The following NHEJ1 variants were observed in gnomAD, a reference collection of about 807,000 sequenced individuals.
The protein encoded by NHEJ1 is non-homologous end joining factor 1.
NHEJ1 carries 22 observed loss-of-function variants against 39.4 expected under a neutral mutation model. That is an observed-to-expected ratio of 0.56 (90% confidence interval 0.40 to 0.80). The LOEUF is 0.80. NHEJ1 is among the 30% of genes least tolerant of loss of function. NHEJ1 has a pLI of 0.00. For synonymous variants in NHEJ1, 154 were observed against 135.6 expected (o/e 1.14, Z -0.94); for missense variants, 329 against 357.1 (o/e 0.92, Z 0.63).
intron 5 of NHEJ1, among the ~76,000 whole-genome samples, chr2:219,123,537 T>C (rs1201292331): frequency 6.6e-6 from 1 of 152,112 alleles, no homozygotes; most frequent in African/African-American, 2.4e-5. Flanking sequence ...CGCCTAGCCC[T>C]GGGTCTAAGT....
At position 219,131,908 on chromosome 2, in the gene NHEJ1, G is replaced by C. The variant is rs562913293; in HGVS notation, c.588+14772C>G. On this transcript the variant is annotated intron_variant, in intron 5 of 7. Transcript: ENST00000356853. ...CCTACTGCCCAGAAAACTTCCAACA[G>C]GTGTAACACGTGGCAAGGCAATCTG... Among the ~76,000 whole-genome samples the C allele has an allele frequency of 3.9e-4, 60 of 152,184 alleles. 1 individual carries two copies. The highest frequency in any genetic ancestry group is 7.2e-4 in the Non-Finnish European group (49 of 68,030).
At chr2:219,083,377 G>T (rs78163174) in intron 5 of NHEJ1, among the ~76,000 whole-genome samples, 2,091 of 151,440 alleles carry the variant, frequency 0.014, 42 homozygotes, top group African/African-American at 0.047. Context: ...AACATGCGAG[G>T]ATAGTATAAA....
chr2:219,070,268 C>G lies in NHEJ1; in HGVS notation c.*6113G>C, dbSNP rs917274092. On this transcript the variant is annotated 3_prime_UTR_variant, in exon 8 of 8. Coordinates refer to ENST00000356853, the MANE Select transcript of NHEJ1 (RefSeq NM_024782.3). ...GTGGCACGATCTCAGCTCACTGCAG[C>G]CTCTGCCTCCCGGGTTCCAGCGATT... Among the ~76,000 whole-genome samples, 5 of 152,202 alleles carry G rather than the reference C, an allele frequency of 3.3e-5. No homozygotes were observed. The highest frequency in any genetic ancestry group is 1.2e-4 in the African/African-American group (5 of 41,450).
At chr2:219,118,559 C>T (rs964736706) in intron 5 of NHEJ1, among the ~76,000 whole-genome samples, 2 of 152,040 alleles carry the variant, frequency 1.3e-5, no homozygotes, top group Admixed American at 6.6e-5. Context: ...GGCCAGGCTC[C>T]GCTGAGGTTT....
At chr2:219,153,829 G>A (rs1169324280) in intron 3 of NHEJ1, among the ~76,000 whole-genome samples, 1 of 152,164 alleles carries the variant, frequency 6.6e-6, no homozygotes, top group East Asian at 1.9e-4. Flanking sequence ...AGAAGTATGA[G>A]GAACAGGTAT....
At chr2:219,146,319 G>A (rs953987476) in intron 5 of NHEJ1, among the ~76,000 whole-genome samples, 4 of 152,074 alleles carry the variant, frequency 2.6e-5, no homozygotes, top group Admixed American at 6.6e-5. Flanking sequence ...AAGTAATGAC[G>A]CCTACCCTTC....
chr2:219,132,072 A>G (rs895454729), intron 5 of NHEJ1, among the ~76,000 whole-genome samples: 2 of 152,260 alleles, frequency 1.3e-5, no homozygotes, highest in Non-Finnish European at 2.9e-5. Flanking sequence ...GGCTTGATAT[A>G]GCCTTAGACT....
At chr2:219,149,984 A>T (rs1259437136) in intron 3 of NHEJ1, among the ~76,000 whole-genome samples, 1 of 152,244 alleles carries the variant, frequency 6.6e-6, no homozygotes, top group Non-Finnish European at 1.5e-5. Context: ...AAAAAGGAGT[A>T]CTTTTAGACA....
chr2:219,136,503 G>C (rs1179037704), intron 5 of NHEJ1, among the ~76,000 whole-genome samples: 1 of 152,000 alleles, frequency 6.6e-6, no homozygotes, highest in African/African-American at 2.4e-5. Flanking sequence ...TAGCCAGGCT[G>C]GTCTCGAACT....
intron 5 of NHEJ1, among the ~76,000 whole-genome samples, chr2:219,089,989 C>T (rs1949146795): frequency 6.6e-6 from 1 of 152,098 alleles, no homozygotes; most frequent in Non-Finnish European, 1.5e-5. Flanking sequence ...TCAGACAGAC[C>T]TGGTTTTGAA....
At chr2:219,160,400 T>C (rs3731889) in intron 1 of NHEJ1, 76,794 of 152,316 alleles carry the variant, frequency 0.5, 21,679 homozygotes, top group Non-Finnish European at 0.64. Flanking sequence ...CAGCCTTCGC[T>C]GTCCGCCTTC....
At chr2:219,122,203 C>A (rs1949477830) in intron 5 of NHEJ1, among the ~76,000 whole-genome samples, 2 of 152,284 alleles carry the variant, frequency 1.3e-5, no homozygotes, top group Admixed American at 1.3e-4. Context: ...TTCAAGAAGT[C>A]ACAAAAATTT....
intron 5 of NHEJ1, among the ~76,000 whole-genome samples, chr2:219,091,316 A>T (rs965275138): frequency 6.6e-6 from 1 of 152,114 alleles, no homozygotes; most frequent in Non-Finnish European, 1.5e-5. Context: ...GTGGAGTTTA[A>T]GCTAGGGTAA....
At chr2:219,080,449 C>T (rs1206527406) in intron 5 of NHEJ1, among the ~76,000 whole-genome samples, 2 of 151,550 alleles carry the variant, frequency 1.3e-5, no homozygotes, top group Non-Finnish European at 2.9e-5. Context: ...GGCGTGAACC[C>T]GGCAGGCAGA....
intron 1 of NHEJ1, among the ~76,000 whole-genome samples, chr2:219,159,610 TACATATAC>T (rs1949908797): frequency 1.4e-5 from 2 of 142,722 alleles, no homozygotes; most frequent in South Asian, 2.2e-4. Flanking sequence ...TGCATATATA[TACATATAC>T]GTGGTGATCT....
chr2:219,127,633 T>G (rs1949537814), intron 5 of NHEJ1, among the ~76,000 whole-genome samples: 2 of 152,146 alleles, frequency 1.3e-5, no homozygotes, highest in African/African-American at 4.8e-5. Flanking sequence ...TAAAAACAAT[T>G]TGGTGGCCTC....
At chr2:219,121,005 T>C (rs1949466028) in intron 5 of NHEJ1, among the ~76,000 whole-genome samples, 1 of 152,144 alleles carries the variant, frequency 6.6e-6, no homozygotes, top group African/African-American at 2.4e-5. Context: ...AAGACCAGCC[T>C]GACCAACATG....
At chr2:219,093,442 C>A (rs2106328809) in intron 5 of NHEJ1, among the ~76,000 whole-genome samples, 1 of 152,294 alleles carries the variant, frequency 6.6e-6, no homozygotes, top group African/African-American at 2.4e-5. Flanking sequence ...GGTCCTCTTG[C>A]AAAATGTGTC....
intron 3 of NHEJ1, among the ~76,000 whole-genome samples, chr2:219,154,947 G>A (rs1949838249): frequency 6.9e-6 from 1 of 145,710 alleles, no homozygotes; most frequent in Non-Finnish European, 1.5e-5. Flanking sequence ...TATAATATAT[G>A]TTAATATATT....
Sources: gnomAD v4.1 joint callset for allele counts (sites outside exome capture counted in the v4.1 genomes callset) on GRCh38, gnomAD v4.1.1 for gene constraint, MANE v1.5 for transcripts, NCBI Gene and HGNC (gene_info 2026-07-23, HGNC 2026-07-21) for gene names.